The following SEPTIN3 variants were observed in gnomAD, a reference collection of about 807,000 sequenced individuals.
SEPTIN3 encodes the protein neuronal-specific septin-3.
In SEPTIN3, 15 loss-of-function variants were observed where a neutral mutation model predicts 45.1. The ratio of observed to expected loss-of-function variants is 0.33; its 90% CI spans 0.22 to 0.51. SEPTIN3 has a LOEUF of 0.51. SEPTIN3 is among the 20% of genes least tolerant of loss of function. The pLI is 0.97. For synonymous variants in SEPTIN3, 148 were observed against 164.8 expected (o/e 0.90, Z 0.78); for missense variants, 289 against 457.2 (o/e 0.63, Z 3.35).
chr22:41,991,075 C>G (rs943497310), intron 7 of SEPTIN3, among the ~76,000 whole-genome samples: 2 of 147,376 alleles, frequency 1.4e-5, no homozygotes, highest in Non-Finnish European at 3.0e-5. Context: ...AACAAACAAA[C>G]AAACAACAAA....
intron 3 of SEPTIN3, among the ~76,000 whole-genome samples, chr22:41,982,668 C>T (rs183843865): frequency 9.0e-4 from 137 of 152,238 alleles, no homozygotes; most frequent in South Asian, 1.7e-3. Context: ...GTGGGTGGAT[C>T]ACCTGAGGAC....
At chr22:41,986,162 G>A in intron 4 of SEPTIN3, 50 bp downstream of exon 4, 1 of 1,598,910 alleles carries the variant, frequency 6.3e-7, no homozygotes, top group South Asian at 1.1e-5. Flanking sequence ...GAGTGCCTCT[G>A]CTGGAAAGGG....
intron 8 of SEPTIN3, 94 bp downstream of exon 8, chr22:41,991,762 G>A (rs1459546978): frequency 6.6e-6 from 6 of 906,698 alleles, no homozygotes; most frequent in Non-Finnish European, 1.1e-5. Flanking sequence ...TTCCCTTTCT[G>A]TACTCCCCCC....
intron 2 of SEPTIN3, among the ~76,000 whole-genome samples, chr22:41,980,073 A>T (rs2078096393): frequency 6.7e-6 from 1 of 150,264 alleles, no homozygotes; most frequent in South Asian, 2.1e-4. Context: ...TTTCCCCTAC[A>T]GACCTGAAAG....
At chr22:41,985,100 C>T (rs1394751332) in intron 3 of SEPTIN3, among the ~76,000 whole-genome samples, 1 of 149,622 alleles carries the variant, frequency 6.7e-6, no homozygotes, top group Non-Finnish European at 1.5e-5. Context: ...CCTCATGATC[C>T]GCCTGTCTCG....
chr22:41,996,491 C>T, intron 11 of SEPTIN3: 4 of 997,062 alleles, frequency 4.0e-6, no homozygotes, highest in Non-Finnish European at 4.8e-6. Flanking sequence ...AGACTCAAGA[C>T]CCAAGATTCA....
At chr22:41,992,596 C>A in intron 8 of SEPTIN3, 68 bp from the exon 9 acceptor site, 1 of 1,030,390 alleles carries the variant, frequency 9.7e-7, no homozygotes, top group South Asian at 1.6e-5. Context: ...CCATCCTGCT[C>A]CTGAAAGTCC....
chr22:41,990,358 C>T (rs1471839810), intron 7 of SEPTIN3, among the ~76,000 whole-genome samples: 1 of 151,898 alleles, frequency 6.6e-6, no homozygotes, highest in African/African-American at 2.4e-5. Context: ...CCAGCCCTCA[C>T]TGGCATGTTC....
At chr22:41,986,663 C>G (rs1271797260) in intron 4 of SEPTIN3, among the ~76,000 whole-genome samples, 1 of 152,062 alleles carries the variant, frequency 6.6e-6, no homozygotes, top group Non-Finnish European at 1.5e-5. Flanking sequence ...CCACGCCCGG[C>G]TAATTTTTTT....
chr22:41,980,930 C>T (rs2078110503), intron 2 of SEPTIN3, among the ~76,000 whole-genome samples: 2 of 152,144 alleles, frequency 1.3e-5, no homozygotes, highest in Non-Finnish European at 2.9e-5. Context: ...ACAGACACCC[C>T]TACTCTGCAG....
rs2078455848 is a variant in SEPTIN3 at position 41,997,138 on chromosome 22, C to CA, written c.*174dup. The stretch of plus-strand genomic sequence containing the variant: ...AGGCCAGTTGCATCCTCCATTTATC[C>CA]AAACCACTCCTCTCCTCCCAGTGGA... On this transcript the variant is annotated 3_prime_UTR_variant, in exon 12 of 12. Transcript: ENST00000644076. 2.4e-6 allele frequency: 3 copies of CA among 1,244,402 alleles called. No individual in the cohort carries two copies. Among genetic ancestry groups the CA allele is most frequent in the Non-Finnish European group, 3.3e-6 (3 of 911,896 alleles). The allele number at this position is 1,244,402 out of a possible 1,614,324, so 77.1% of individuals were successfully genotyped here. A position where few individuals can be genotyped will look rare whatever the true frequency, so the allele number is the denominator to read the frequency against.
At chr22:41,985,420 G>C (rs2078189438) in intron 3 of SEPTIN3, among the ~76,000 whole-genome samples, 1 of 152,116 alleles carries the variant, frequency 6.6e-6, no homozygotes, top group Non-Finnish European at 1.5e-5. Flanking sequence ...TGTTATTAGG[G>C]TTTGAGTTCC....
intron 5 of SEPTIN3, 124 bp from the exon 6 acceptor site, chr22:41,987,498 A>G: frequency 3.2e-6 from 4 of 1,259,450 alleles, no homozygotes; most frequent in Non-Finnish European, 4.5e-6. Flanking sequence ...ATCTGGCAGC[A>G]GGTATCCTAG....
intron 11 of SEPTIN3, chr22:41,996,506 A>G: frequency 1.0e-6 from 1 of 1,004,216 alleles, no homozygotes; most frequent in Non-Finnish European, 1.2e-6. Flanking sequence ...GATTCAATGG[A>G]CCAGGAGAAA....
rs2077960833 is a variant in SEPTIN3, at chr22:41,971,683, T to A, written c.191T>A (p.Ile64Asn). The change falls in exon 2 of 12, where the codon ATC becomes AAC. Residue 64 changes from isoleucine (I) to asparagine (N), a missense_variant. By Grantham distance (149) the Ile-to-Asn change is moderately radical. Transcript: ENST00000644076. ...CTGGATACCTTCCCCCAAAGCCATA[T>A]CCCACAGACCTCCAGCCGGCTGGGC... ...IHLDTFPQSH[I>N]PQTSSRLGLG... 2.5e-6 allele frequency: 1 copy of A among 398,576 alleles called. No individual in the cohort carries two copies. 24.7% of individuals were successfully genotyped at this position (398,576 alleles called of 1,614,324 possible).
At chr22:41,991,040 G>A (rs935484196) in intron 7 of SEPTIN3, among the ~76,000 whole-genome samples, 2 of 152,158 alleles carry the variant, frequency 1.3e-5, no homozygotes, top group Admixed American at 1.3e-4. Flanking sequence ...CTCCAGCCTG[G>A]GCAACAGAGC....
chr22:41,979,400 A>G lies in SEPTIN3; in HGVS notation c.1505-2245A>G, dbSNP rs556355899. Among the ~76,000 whole-genome samples the G allele has an allele frequency of 1.9e-3, 289 of 152,276 alleles. 1 individual carries two copies. The highest frequency in any genetic ancestry group is 6.6e-3 in the African/African-American group (274 of 41,546). On this transcript the variant is annotated intron_variant, in intron 2 of 11. Coordinates refer to ENST00000644076, the MANE Select transcript of SEPTIN3 (RefSeq NM_001363845.2). ...GGGGATAAGACCACCCCCCCAAACC[A>G]TGTGGCTCTATCTTATAACACAGGT...
intron 11 of SEPTIN3, chr22:41,995,921 T>C: frequency 1.0e-6 from 1 of 979,020 alleles, no homozygotes; most frequent in Non-Finnish European, 1.2e-6. Flanking sequence ...TCAGAAACAA[T>C]ATACATAATT....
In SEPTIN3 at chr22:41,997,037, T is replaced by C; in HGVS notation, c.*70T>C. 1.2e-6 allele frequency: 2 copies of C among 1,610,866 alleles called. No individual in the cohort carries two copies. The highest frequency in any genetic ancestry group is 1.7e-6 in the Non-Finnish European group (2 of 1,178,754). ...TATTGCTGCAGGGCCAAGCCCTTTTTAGTGCTGTGCTCGTCCAGCTCACCA... is the reference window on the plus strand; with the variant it reads ...TATTGCTGCAGGGCCAAGCCCTTTTCAGTGCTGTGCTCGTCCAGCTCACCA... On this transcript the variant is annotated 3_prime_UTR_variant, in exon 12 of 12. Transcript: ENST00000644076.
Sources: gnomAD v4.1 joint callset for allele counts (sites outside exome capture counted in the v4.1 genomes callset) on GRCh38, gnomAD v4.1.1 for gene constraint, MANE v1.5 for transcripts, NCBI Gene and HGNC (gene_info 2026-07-23, HGNC 2026-07-21) for gene names.